GLIS1: variants seen among roughly 807,000 people sequenced by gnomAD.
GLIS1 encodes zinc finger protein GLIS1.
Under a neutral mutation model 63.8 loss-of-function variants are expected in GLIS1, and 24 were observed. The observed-to-expected ratio is 0.38, with a 90% CI of 0.27 to 0.53. The LOEUF is 0.53. GLIS1 is among the 20% of genes least tolerant of loss of function. The probability of loss-of-function intolerance (pLI) is 0.85; values close to 1 mark genes in which losing one functional copy is unlikely to be tolerated. For synonymous variants in GLIS1, 450 were observed against 482.5 expected (o/e 0.93, Z 0.88); for missense variants, 1,036 against 1,074.1 (o/e 0.96, Z 0.50).
chr1:53,611,141 G>A (rs1645420802), intron 2 of GLIS1, among the ~76,000 whole-genome samples: 1 of 152,040 alleles, frequency 6.6e-6, no homozygotes, highest in Non-Finnish European at 1.5e-5. Flanking sequence ...CTGGAGTACT[G>A]TGGCATGACC....
intron 4 of GLIS1, among the ~76,000 whole-genome samples, chr1:53,586,073 C>G (rs1645131710): frequency 6.6e-6 from 1 of 152,204 alleles, no homozygotes; most frequent in African/African-American, 2.4e-5. Flanking sequence ...AGTCTCCCCT[C>G]TGCACAGTGG....
intron 2 of GLIS1, among the ~76,000 whole-genome samples, chr1:53,628,872 A>C (rs1465020412): frequency 6.6e-6 from 1 of 152,216 alleles, no homozygotes; most frequent in African/African-American, 2.4e-5. Flanking sequence ...TCCTGGGCAC[A>C]GGACAGAATC....
At chr1:53,556,156 C>CTG (rs1424839487) in intron 4 of GLIS1, among the ~76,000 whole-genome samples, 1 of 95,722 alleles carries the variant, frequency 1.0e-5, no homozygotes, top group African/African-American at 4.2e-5. Flanking sequence ...TGTACTGCAG[C>CTG]TGTGTGTGTG....
Position 53,506,425 on chromosome 1 carries a change from C to T in GLIS1, c.*194G>A, listed in dbSNP as rs982109943. On this transcript the variant is annotated 3_prime_UTR_variant, in exon 11 of 11. Transcript: ENST00000628545. ...ACAGATCCTGGCGGGCACCTCTGTG[C>T]GCCCAGCTCAAGCTCGGATGGCGGC... 3.5e-5 allele frequency: 21 copies of T among 596,554 alleles called. No individual in the cohort carries two copies. Among genetic ancestry groups the T allele is most frequent in the Middle Eastern group, 8.8e-4 (2 of 2,262 alleles). 37.0% of individuals were successfully genotyped at this position (596,554 alleles called of 1,614,324 possible).
At chr1:53,552,346 T>C (rs1301818233) in intron 4 of GLIS1, among the ~76,000 whole-genome samples, 5 of 151,998 alleles carry the variant, frequency 3.3e-5, no homozygotes, top group African/African-American at 1.2e-4. Flanking sequence ...GGGCCAGCTC[T>C]ACACAGCATG....
rs888678307 is a variant in GLIS1 at position 53,609,314 on chromosome 1, C to A, written c.260-9036G>T. On this transcript the variant is annotated intron_variant, in intron 2 of 10. Transcript: ENST00000628545. ...TTTGAGATGCAGTCTCACTCTGTCG[C>A]CCAGGCTGGAGTGCAGTCGTGCGAT... is the stretch of plus-strand genomic sequence containing the variant. Among the ~76,000 whole-genome samples, 6 of 115,322 alleles carry A rather than the reference C, an allele frequency of 5.2e-5. No individual in the cohort carries two copies. In the South Asian group the frequency reaches 9.0e-4, roughly 17 times the overall value. 75.7% of individuals were successfully genotyped at this position (115,322 alleles called of 152,430 possible).
At chr1:53,627,353 G>A (rs990753200) in intron 2 of GLIS1, among the ~76,000 whole-genome samples, 1 of 152,154 alleles carries the variant, frequency 6.6e-6, no homozygotes, top group African/African-American at 2.4e-5. Context: ...GCACCGGACC[G>A]CTTCCCTGAG....
At chr1:53,573,615 G>A (rs1456695924) in intron 4 of GLIS1, among the ~76,000 whole-genome samples, 2 of 152,182 alleles carry the variant, frequency 1.3e-5, no homozygotes, top group East Asian at 1.9e-4. Context: ...CATGTAACAC[G>A]TTCAACCATA....
chr1:53,645,680 G>A (rs928287815), intron 2 of GLIS1, among the ~76,000 whole-genome samples: 1 of 152,192 alleles, frequency 6.6e-6, no homozygotes, highest in African/African-American at 2.4e-5. Flanking sequence ...GTTGTTTCAT[G>A]GTAAGCCATC....
At chr1:53,592,221 C>T (rs542679723) in intron 4 of GLIS1, among the ~76,000 whole-genome samples, 1 of 152,296 alleles carries the variant, frequency 6.6e-6, no homozygotes, top group East Asian at 1.9e-4. Context: ...GCCCTGTTTC[C>T]CAAGCTAGAA....
intron 7 of GLIS1, among the ~76,000 whole-genome samples, chr1:53,516,403 G>C (rs982728659): frequency 1.3e-5 from 2 of 152,108 alleles, no homozygotes; most frequent in African/African-American, 2.4e-5. Context: ...TGGCAGGGAC[G>C]GCAAGCTCAG....
chr1:53,663,927 G>A lies in GLIS1; in HGVS notation c.260-63649C>T, dbSNP rs144838708. ...TGGCTCCAGGCGCCTCGAGGGAACC[G>A]GGAAAGACTAGCCGGGGGGCTCTAT... On this transcript the variant is annotated intron_variant, in intron 2 of 10. Transcript: ENST00000628545. 5.6e-3 allele frequency among the ~76,000 whole-genome samples: 822 copies of A among 147,616 alleles called. 7 individuals are homozygous for A. Among genetic ancestry groups the A allele is most frequent in the African/African-American group, 0.015 (623 of 40,366 alleles).
At chr1:53,507,459 T>A (rs1009994573) in intron 10 of GLIS1, among the ~76,000 whole-genome samples, 5 of 152,096 alleles carry the variant, frequency 3.3e-5, no homozygotes, top group African/African-American at 1.2e-4. Flanking sequence ...GGGCCACCGC[T>A]CAGAGGCCCT....
At chr1:53,521,615 A>G (rs939308614) in intron 6 of GLIS1, among the ~76,000 whole-genome samples, 5 of 152,218 alleles carry the variant, frequency 3.3e-5, no homozygotes, top group Admixed American at 3.3e-4. Context: ...TAGGGGTGGC[A>G]GAGCTCCAGC....
chr1:53,593,249 G>A (rs1270116224), intron 4 of GLIS1, among the ~76,000 whole-genome samples: 1 of 152,244 alleles, frequency 6.6e-6, no homozygotes. Context: ...CCGTTTCTGG[G>A]CAGGCACCTC....
intron 2 of GLIS1, among the ~76,000 whole-genome samples, chr1:53,638,879 G>T (rs1645756158): frequency 6.6e-6 from 1 of 152,128 alleles, no homozygotes; most frequent in African/African-American, 2.4e-5. Context: ...CCAGGCTCTG[G>T]GTTGGCCCTG....
At chr1:53,548,890 T>G (rs1303766963) in intron 4 of GLIS1, among the ~76,000 whole-genome samples, 4 of 152,228 alleles carry the variant, frequency 2.6e-5, no homozygotes, top group African/African-American at 9.6e-5. Flanking sequence ...TAGAATATTT[T>G]TATCACTCCC....
At chr1:53,507,300 CCTATT>C (rs1170240189) in intron 10 of GLIS1, among the ~76,000 whole-genome samples, 9 of 152,198 alleles carry the variant, frequency 5.9e-5, no homozygotes, top group African/African-American at 2.2e-4. Context: ...GATTCACTAT[CCTATT>C]GTACAGCTGA....
chr1:53,632,436 A>C, intron 2 of GLIS1, among the ~76,000 whole-genome samples: 1 of 138,288 alleles, frequency 7.2e-6, no homozygotes, highest in South Asian at 2.5e-4. Flanking sequence ...AATATGACTG[A>C]GGGGTGTAAT....
Sources: allele counts gnomAD v4.1 joint callset (sites outside exome capture counted in the v4.1 genomes callset), GRCh38; gene constraint gnomAD v4.1.1; transcripts MANE v1.5; gene names NCBI Gene and HGNC (gene_info 2026-07-23, HGNC 2026-07-21).